Variants in ME1 observed in about 807,000 individuals in gnomAD.
The protein encoded by ME1 is malic enzyme 1.
In ME1, 74 loss-of-function variants were observed where a neutral mutation model predicts 66.4. That is an observed-to-expected ratio of 1.11 (90% CI 0.92 to 1.35). ME1 has a LOEUF of 1.35. Among genes scored for constraint, ME1 ranks in the 40% most tolerant of loss-of-function variants. The pLI, the probability that ME1 is intolerant of heterozygous loss-of-function variation, is 0.00. For synonymous variants in ME1, 251 were observed against 235.6 expected (o/e 1.07, Z -0.60); for missense variants, 750 against 694.1 (o/e 1.08, Z -0.90).
At chr6:83,263,246 C>T (rs1444379848) in intron 6 of ME1, among the ~76,000 whole-genome samples, 5 of 152,164 alleles carry the variant, frequency 3.3e-5, no homozygotes, top group Non-Finnish European at 7.4e-5. Flanking sequence ...TCTCCTTCTC[C>T]TCAAACCTCC....
At chr6:83,327,823 T>C (rs1009745256) in intron 5 of ME1, among the ~76,000 whole-genome samples, 3 of 152,140 alleles carry the variant, frequency 2.0e-5, no homozygotes, top group Admixed American at 6.6e-5. Flanking sequence ...TTGTGGCTTT[T>C]GGGGCATCAC....
At chr6:83,234,208 C>A (rs535799603) in intron 9 of ME1, among the ~76,000 whole-genome samples, 1 of 152,198 alleles carries the variant, frequency 6.6e-6, no homozygotes, top group South Asian at 2.1e-4. Context: ...TCATCAGAGA[C>A]AACAAAATAA....
chr6:83,255,604 C>A (rs1342439101), intron 6 of ME1, among the ~76,000 whole-genome samples: 3 of 151,966 alleles, frequency 2.0e-5, no homozygotes, highest in Non-Finnish European at 2.9e-5. Flanking sequence ...ATTAAAAAAA[C>A]AAGCTATACC....
rs751206211 is a variant in ME1, at chr6:83,272,996, G to A, written c.705-19258C>T. Among the ~76,000 whole-genome samples, 47 of 152,004 alleles carry A rather than the reference G, an allele frequency of 3.1e-4. 1 individual carries two copies. The highest frequency in any genetic ancestry group is 3.4e-3 in the Middle Eastern group (1 of 294). ...TCAAGACCAGCCTGGCCAGTATGGT[G>A]AAACCTCGTCTCTACTAAAAATATA... is the stretch of plus-strand genomic sequence containing the variant. On this transcript the variant is annotated intron_variant, in intron 6 of 13. Transcript: ENST00000369705.
chr6:83,410,250 T>A (rs1476209897), intron 1 of ME1, among the ~76,000 whole-genome samples: 1 of 152,116 alleles, frequency 6.6e-6, no homozygotes, highest in Non-Finnish European at 1.5e-5. Context: ...TTATAATTCA[T>A]TAGAATTTAT....
intron 5 of ME1, among the ~76,000 whole-genome samples, chr6:83,326,112 A>G (rs985116795): frequency 1.3e-5 from 2 of 152,094 alleles, no homozygotes; most frequent in Admixed American, 6.6e-5. Context: ...CTACAACTAT[A>G]TGATCTTTCA....
At chr6:83,352,232 A>C in intron 3 of ME1, 93 bp from the exon 4 acceptor site, 1 of 697,334 alleles carries the variant, frequency 1.4e-6, no homozygotes, top group Non-Finnish European at 2.2e-6. Context: ...TCAAACAACA[A>C]TTTAATTTAT....
chr6:83,276,149 A>G (rs1767179421), intron 6 of ME1, among the ~76,000 whole-genome samples: 1 of 152,174 alleles, frequency 6.6e-6, no homozygotes, highest in South Asian at 2.1e-4. Flanking sequence ...TTTGCATTGA[A>G]GACTCTGTAA....
chr6:83,303,687 A>C (rs2128537152), intron 6 of ME1, among the ~76,000 whole-genome samples: 1 of 120,542 alleles, frequency 8.3e-6, no homozygotes, highest in Middle Eastern at 5.0e-3. Flanking sequence ...GTTGAAACAA[A>C]ATACGATTTT....
chr6:83,247,394 T>C (rs1338639642), intron 7 of ME1, among the ~76,000 whole-genome samples: 3 of 152,136 alleles, frequency 2.0e-5, no homozygotes, highest in Non-Finnish European at 2.9e-5. Flanking sequence ...GAGAATGCAT[T>C]CATGTCTAAA....
chr6:83,320,230 G>C (rs1011487069), intron 5 of ME1, among the ~76,000 whole-genome samples: 2 of 152,172 alleles, frequency 1.3e-5, no homozygotes, highest in Non-Finnish European at 2.9e-5. Context: ...AAGCCACTGA[G>C]AGGGTGATGT....
chr6:83,234,401 G>T (rs1039288430), intron 9 of ME1, among the ~76,000 whole-genome samples: 1 of 151,964 alleles, frequency 6.6e-6, no homozygotes, highest in Admixed American at 6.6e-5. Context: ...ACTGCCAATG[G>T]GACATCTCTG....
chr6:83,305,041 T>C (rs1004412128), intron 6 of ME1, among the ~76,000 whole-genome samples: 4 of 152,172 alleles, frequency 2.6e-5, no homozygotes, highest in Non-Finnish European at 5.9e-5. Flanking sequence ...CTCCTTTCCA[T>C]ATAAAAATGA....
chr6:83,223,992 G>A (rs1583326355), intron 11 of ME1, 59 bp from the exon 12 acceptor site: 1 of 1,482,358 alleles, frequency 6.7e-7, no homozygotes, highest in Admixed American at 1.8e-5. Flanking sequence ...TAAAACAAAT[G>A]TATCATAACA....
chr6:83,363,580 A>G (rs543245311), intron 3 of ME1, among the ~76,000 whole-genome samples: 1 of 152,198 alleles, frequency 6.6e-6, no homozygotes, highest in African/African-American at 2.4e-5. Context: ...ACCAGGAAAA[A>G]AACTACAACC....
intron 6 of ME1, among the ~76,000 whole-genome samples, chr6:83,296,452 C>T (rs781135937): frequency 6.6e-6 from 1 of 152,038 alleles, no homozygotes; most frequent in Non-Finnish European, 1.5e-5. Context: ...AAAAGGCTAT[C>T]GATAAAATTC....
At chr6:83,225,293 G>C (rs1417660172) in intron 11 of ME1, among the ~76,000 whole-genome samples, 6 of 148,584 alleles carry the variant, frequency 4.0e-5, no homozygotes, top group Admixed American at 4.0e-4. Context: ...ACATTTGTCT[G>C]TGATGGTGAG....
At chr6:83,283,121 G>C (rs1319879867) in intron 6 of ME1, among the ~76,000 whole-genome samples, 1 of 148,020 alleles carries the variant, frequency 6.8e-6, no homozygotes. Flanking sequence ...CCAGCTACTC[G>C]GGAGGCTGAG....
chr6:83,413,925 A>G (rs1021153346), intron 1 of ME1, among the ~76,000 whole-genome samples: 2 of 152,100 alleles, frequency 1.3e-5, no homozygotes, highest in African/African-American at 4.8e-5. Context: ...CCTGGGAAAC[A>G]CAGGGAGATA....
Sources: allele counts gnomAD v4.1 joint callset (sites outside exome capture counted in the v4.1 genomes callset), GRCh38; gene constraint gnomAD v4.1.1; transcripts MANE v1.5; gene names NCBI Gene and HGNC (gene_info 2026-07-23, HGNC 2026-07-21).